The following PNPLA1 variants were observed in gnomAD, a reference collection of about 807,000 sequenced individuals.
PNPLA1 encodes the protein omega-hydroxyceramide transacylase.
In PNPLA1, 36 loss-of-function variants were observed where a neutral mutation model predicts 51.7. The observed-to-expected ratio is 0.70, with a 90% CI of 0.53 to 0.92. The LOEUF is 0.92. PNPLA1 is among the 40% of genes least tolerant of loss of function. PNPLA1 has a pLI of 0.00. For synonymous variants in PNPLA1, 293 were observed against 280.1 expected (o/e 1.05, Z -0.46); for missense variants, 658 against 682.5 (o/e 0.96, Z 0.40).
At chr6:36,308,887 C>T (rs748808716) in intron 8 of PNPLA1, among the ~76,000 whole-genome samples, 27 of 152,192 alleles carry the variant, frequency 1.8e-4, no homozygotes, top group Middle Eastern at 3.4e-3. Flanking sequence ...CCCAGCTATT[C>T]GGGAGGCTGA....
intron 1 of PNPLA1, among the ~76,000 whole-genome samples, chr6:36,282,951 G>A (rs912414255): frequency 2.6e-5 from 4 of 152,112 alleles, no homozygotes; most frequent in African/African-American, 9.7e-5. Flanking sequence ...CCAAAGTGCT[G>A]GGATTACAGG....
chr6:36,290,089 A>G (rs1271046453), intron 1 of PNPLA1, among the ~76,000 whole-genome samples: 1 of 152,168 alleles, frequency 6.6e-6, no homozygotes, highest in Non-Finnish European at 1.5e-5. Flanking sequence ...AAACTCTCTG[A>G]CAGAGATACT....
At chr6:36,264,631 C>A (rs13202035) in intron 1 of PNPLA1, among the ~76,000 whole-genome samples, 40 of 152,300 alleles carry the variant, frequency 2.6e-4, no homozygotes, top group Non-Finnish European at 5.1e-4. Flanking sequence ...TTCACCTTTA[C>A]TTGTGACGTC....
intron 1 of PNPLA1, among the ~76,000 whole-genome samples, chr6:36,277,627 G>C (rs943946564): frequency 1.3e-5 from 2 of 152,214 alleles, no homozygotes; most frequent in Non-Finnish European, 2.9e-5. Flanking sequence ...ATTATGGGAC[G>C]CTGAGGCGGG....
intron 1 of PNPLA1, among the ~76,000 whole-genome samples, chr6:36,284,621 G>A (rs1398289721): frequency 2.6e-5 from 4 of 151,706 alleles, no homozygotes; most frequent in African/African-American, 9.7e-5. Context: ...CATTTACTGA[G>A]GCTCATCTTT....
At chr6:36,251,567 C>T (rs184115125) in intron 1 of PNPLA1, among the ~76,000 whole-genome samples, 33 of 152,262 alleles carry the variant, frequency 2.2e-4, no homozygotes, top group African/African-American at 6.7e-4. Context: ...CCCCCTGCTG[C>T]CAGTGAAGGT....
At chr6:36,303,704 T>G (rs1454708443) in intron 6 of PNPLA1, among the ~76,000 whole-genome samples, 1 of 152,160 alleles carries the variant, frequency 6.6e-6, no homozygotes. Context: ...TGGTGGTGCA[T>G]GCCTGTAATC....
intron 1 of PNPLA1, among the ~76,000 whole-genome samples, chr6:36,272,661 G>A (rs1257717248): frequency 6.6e-6 from 1 of 152,166 alleles, no homozygotes; most frequent in Non-Finnish European, 1.5e-5. Flanking sequence ...GATAAGGGAA[G>A]AGATTGGATT....
intron 1 of PNPLA1, among the ~76,000 whole-genome samples, chr6:36,262,240 G>A (rs1033318937): frequency 3.3e-5 from 5 of 150,604 alleles, no homozygotes; most frequent in African/African-American, 7.4e-5. Context: ...CCCCCACCTC[G>A]TCCCACCCTA....
intron 6 of PNPLA1, among the ~76,000 whole-genome samples, chr6:36,304,025 G>C (rs1224753839): frequency 1.3e-5 from 2 of 152,146 alleles, no homozygotes; most frequent in African/African-American, 2.4e-5. Context: ...GGAGTAGAAA[G>C]AGCATTTCCG....
In PNPLA1 at chr6:36,293,517, C is replaced by T. The variant is rs546244762; in HGVS notation, c.504+391C>T. On this transcript the variant is annotated intron_variant, in intron 3 of 8. Coordinates refer to ENST00000636260, the MANE Select transcript of PNPLA1 (RefSeq NM_001374623.1). ...GACTTTAATGTGCCCTTGAATCACT[C>T]GGGGTCTCGTAAAATTATGCAAGTT... is the stretch of plus-strand genomic sequence containing the variant. 7.2e-5 allele frequency among the ~76,000 whole-genome samples: 11 copies of T among 152,328 alleles called. No homozygotes were observed. In the East Asian group the frequency reaches 9.7e-4, roughly 13 times the overall value.
chr6:36,245,968 G>C (rs149845140), intron 1 of PNPLA1, among the ~76,000 whole-genome samples: 2,015 of 152,284 alleles, frequency 0.013, 40 homozygotes, highest in African/African-American at 0.045. Context: ...TCCACACACA[G>C]ATATACGAAT....
intron 2 of PNPLA1, among the ~76,000 whole-genome samples, chr6:36,292,734 G>A (rs1290860302): frequency 6.6e-6 from 1 of 152,190 alleles, no homozygotes; most frequent in Non-Finnish European, 1.5e-5. Context: ...TCCAGGGCCT[G>A]GCCCAGGGCT....
At chr6:36,285,966 C>T (rs926076748) in intron 1 of PNPLA1, among the ~76,000 whole-genome samples, 12 of 152,178 alleles carry the variant, frequency 7.9e-5, no homozygotes, top group Non-Finnish European at 1.5e-4. Context: ...TTTGATTCCA[C>T]ACATGAGCCT....
rs769088425 is a variant in PNPLA1 at position 36,270,401 on chromosome 6, C to T, written c.-59C>T. The T allele has an allele frequency of 3.6e-5, 54 of 1,520,834 alleles. No homozygotes were observed. Among genetic ancestry groups the T allele is most frequent in the East Asian group, 1.2e-4 (5 of 40,728 alleles). 94.2% of individuals were successfully genotyped at this position (1,520,834 alleles called of 1,614,324 possible). A position where few individuals can be genotyped will look rare whatever the true frequency, so the allele number is the denominator to read the frequency against. On this transcript the variant is annotated 5_prime_UTR_variant, in exon 1 of 9. Coordinates refer to ENST00000636260, the MANE Select transcript of PNPLA1 (RefSeq NM_001374623.1). ...CCTACAGGGAGCGGCAGCCCAGGCT[C>T]GGGCAGGCAAGTGCTGAAGGGTGGC...
intron 5 of PNPLA1, among the ~76,000 whole-genome samples, chr6:36,298,830 C>G (rs535279366): frequency 1.3e-5 from 2 of 152,304 alleles, no homozygotes; most frequent in South Asian, 4.1e-4. Flanking sequence ...CCTCTGCCAC[C>G]TGGGTTCAAG....
At chr6:36,295,445 A>T in intron 5 of PNPLA1, 21 bp downstream of exon 5, 1 of 1,611,754 alleles carries the variant, frequency 6.2e-7, no homozygotes. Flanking sequence ...GTGGGGCCCC[A>T]GGTAAGGGCA....
At chr6:36,252,067 G>A (rs1769431842) in intron 1 of PNPLA1, among the ~76,000 whole-genome samples, 1 of 152,220 alleles carries the variant, frequency 6.6e-6, no homozygotes, top group African/African-American at 2.4e-5. Flanking sequence ...CCCAGGTAAG[G>A]AAGTTTGAGG....
rs551433652 is a variant in PNPLA1, at chr6:36,309,510, TCCAGGG to T, written c.1595+1803_1595+1808del. Among the ~76,000 whole-genome samples, 13 of 152,248 alleles carry T rather than the reference TCCAGGG, an allele frequency of 8.5e-5. No individual in the cohort carries two copies. In the South Asian group the frequency reaches 2.5e-3, roughly 29 times the overall value. On this transcript the variant is annotated intron_variant, in intron 8 of 8. Coordinates refer to ENST00000636260, the MANE Select transcript of PNPLA1 (RefSeq NM_001374623.1). ...CAAGCCCAGGCTCCAGTTCCTTGAT[TCCAGGG>T]CCAGCTCTCTTCCCACTGCAGCAGA...
Sources: gnomAD v4.1 joint callset for allele counts (sites outside exome capture counted in the v4.1 genomes callset) on GRCh38, gnomAD v4.1.1 for gene constraint, MANE v1.5 for transcripts, NCBI Gene and HGNC (gene_info 2026-07-23, HGNC 2026-07-21) for gene names.